Variants in BPTF observed in about 807,000 individuals in gnomAD.
The protein encoded by BPTF is nucleosome-remodeling factor subunit BPTF.
Under a neutral mutation model 292.5 loss-of-function variants are expected in BPTF, and 18 were observed. The observed-to-expected ratio is 0.06, with a 90% CI of 0.04 to 0.09. BPTF has a LOEUF of 0.09. Ranked by LOEUF, BPTF falls within the 10% of genes least tolerant of loss-of-function variation. The pLI is 1.00. For missense variants in BPTF, 2,726 were observed against 3,498.7 expected (o/e 0.78, Z 5.57); for synonymous variants, 1,225 against 1,251.9 (o/e 0.98, Z 0.45).
intron 1 of BPTF, among the ~76,000 whole-genome samples, chr17:67,843,757 T>TTC (rs1857182963): frequency 2.6e-5 from 2 of 75,672 alleles, no homozygotes; most frequent in African/African-American, 1.1e-4. Flanking sequence ...CAGTTGTCTT[T>TTC]TTTTTTTTTT....
chr17:67,888,506 C>G (rs1283856213), intron 4 of BPTF, among the ~76,000 whole-genome samples: 1 of 145,550 alleles, frequency 6.9e-6, no homozygotes, highest in African/African-American at 2.5e-5. Flanking sequence ...AGGAGAATTG[C>G]TTGAACCCAG....
chr17:67,949,452 G>A (rs567462065), intron 23 of BPTF, among the ~76,000 whole-genome samples: 1 of 151,978 alleles, frequency 6.6e-6, no homozygotes, highest in South Asian at 2.1e-4. Context: ...GCAGGCACCT[G>A]TAATCCCAGC....
At chr17:67,840,578 GTT>G (rs1020765398) in intron 1 of BPTF, among the ~76,000 whole-genome samples, 1 of 147,276 alleles carries the variant, frequency 6.8e-6, no homozygotes, top group Admixed American at 6.9e-5. Flanking sequence ...TTTTTAGACA[GTT>G]TCCTTCTTTC....
At chr17:67,858,238 T>C (rs1458449535) in intron 2 of BPTF, among the ~76,000 whole-genome samples, 2 of 152,238 alleles carry the variant, frequency 1.3e-5, no homozygotes, top group Non-Finnish European at 2.9e-5. Flanking sequence ...TTTTAAGAAA[T>C]ATGTGTAAAA....
chr17:67,841,283 C>T (rs933934502), intron 1 of BPTF, among the ~76,000 whole-genome samples: 3 of 152,100 alleles, frequency 2.0e-5, no homozygotes, highest in Admixed American at 2.0e-4. Flanking sequence ...GTGGCACATG[C>T]CTGTAATCCC....
chr17:67,971,023 C>T (rs1301665710), intron 26 of BPTF, among the ~76,000 whole-genome samples: 3 of 151,784 alleles, frequency 2.0e-5, no homozygotes, highest in Non-Finnish European at 2.9e-5. Flanking sequence ...ACTGCATCCT[C>T]GTCCTCCCAG....
chr17:67,873,154 C>G (rs1183388998), intron 3 of BPTF, among the ~76,000 whole-genome samples: 3 of 152,016 alleles, frequency 2.0e-5, no homozygotes, highest in East Asian at 1.9e-4. Context: ...TGTGGATATA[C>G]ATGGTATTAA....
At chr17:67,845,486 C>T (rs553122858) in intron 1 of BPTF, among the ~76,000 whole-genome samples, 108 of 152,230 alleles carry the variant, frequency 7.1e-4, no homozygotes, top group African/African-American at 2.5e-3. Context: ...TTGTGAAAAA[C>T]AAGAGGGCAG....
chr17:67,875,618 A>G (rs200204370), intron 4 of BPTF: 1 of 1,600,192 alleles, frequency 6.2e-7, no homozygotes, highest in African/African-American at 1.3e-5. Context: ...CAACACAACA[A>G]ATGCAACTTC....
intron 17 of BPTF, among the ~76,000 whole-genome samples, chr17:67,930,581 T>C (rs576049286): frequency 6.2e-4 from 94 of 152,284 alleles, no homozygotes; most frequent in African/African-American, 2.2e-3. Context: ...TTTAAAGTTT[T>C]AAATTTTTGA....
Position 67,982,991 on chromosome 17 carries a change from G to T in BPTF, c.*703G>T, listed in dbSNP as rs2070582868. On this transcript the variant is annotated 3_prime_UTR_variant, in exon 28 of 28. Coordinates refer to ENST00000306378, the MANE Select transcript of BPTF (RefSeq NM_182641.4). ...AGACTCTGTTGCCTTGAATATAACA[G>T]TACAATTTGTCAATTACTCTGCACC... is the stretch of plus-strand genomic sequence containing the variant. The T allele has an allele frequency of 6.6e-6, 1 of 152,340 alleles. No individual in the cohort carries two copies. The highest frequency in any genetic ancestry group is 1.5e-5 in the Non-Finnish European group (1 of 68,034). 9.4% of individuals were successfully genotyped at this position (152,340 alleles called of 1,614,324 possible).
intron 13 of BPTF, among the ~76,000 whole-genome samples, chr17:67,921,225 A>G (rs904606375): frequency 1.0e-4 from 15 of 150,474 alleles, no homozygotes; most frequent in South Asian, 2.1e-4. Context: ...AAAAAAAAAA[A>G]AAAAAAAAAA....
In BPTF at chr17:67,945,741, A is replaced by C; in HGVS notation, c.7033A>C (p.Ser2345Arg). The C allele has an allele frequency of 6.2e-7, 1 of 1,614,168 alleles. No individual in the cohort carries two copies. The highest frequency in any genetic ancestry group is 1.3e-5 in the African/African-American group (1 of 75,038). Residue 2345 changes from serine to arginine, a missense_variant, in exon 21 of 28, where the codon AGT (serine) becomes CGT (arginine). By Grantham distance (110) the Ser-to-Arg change is moderately radical. This residue lies in a region of BPTF where 570 missense variants were observed against 633.5 expected (regional missense o/e 0.90). Coordinates refer to ENST00000306378, the MANE Select transcript of BPTF (RefSeq NM_182641.4). ...VQGQSPVRVQ[S>R]PSQTRIRPST... Reference sequence around the variant, plus strand: ...AGGACAGTCTCCTGTTCGTGTCCAAAGTCCATCACAGACTCGAATACGTCC... The same window carrying C: ...AGGACAGTCTCCTGTTCGTGTCCAACGTCCATCACAGACTCGAATACGTCC...
intron 15 of BPTF, among the ~76,000 whole-genome samples, chr17:67,925,643 C>T (rs961995122): frequency 2.0e-5 from 3 of 152,110 alleles, no homozygotes; most frequent in Non-Finnish European, 4.4e-5. Flanking sequence ...AGTATATAAA[C>T]ATTGAGGATA....
chr17:67,947,967 C>A, intron 22 of BPTF, 114 bp from the exon 23 acceptor site: 1 of 1,269,566 alleles, frequency 7.9e-7, no homozygotes, highest in Non-Finnish European at 1.1e-6. Flanking sequence ...CCACTCTTGA[C>A]GTTTTCCAGT....
intron 1 of BPTF, among the ~76,000 whole-genome samples, chr17:67,831,790 C>G (rs1459221047): frequency 6.6e-6 from 1 of 152,158 alleles, no homozygotes; most frequent in Non-Finnish European, 1.5e-5. Context: ...GGGAGATCTT[C>G]CCTGAGTCCT....
chr17:67,835,355 T>G (rs2057041714), intron 1 of BPTF, among the ~76,000 whole-genome samples: 1 of 152,178 alleles, frequency 6.6e-6, no homozygotes. Flanking sequence ...TTGCAGAAAG[T>G]TCTCCTGGAC....
In BPTF at chr17:67,945,420, C is replaced by A. The variant is rs148759485; in HGVS notation, c.6712C>A (p.Gln2238Lys). The change falls in exon 21 of 28, where the codon CAA (glutamine) becomes AAA (lysine). Residue 2238 changes from glutamine to lysine, a missense_variant. Coordinates refer to ENST00000306378, the MANE Select transcript of BPTF (RefSeq NM_182641.4). Reference protein sequence around the residue: ...VSTTAAGTGEQRQSKLSPQMQ... With the variant: ...VSTTAAGTGEKRQSKLSPQMQ... The stretch of plus-strand genomic sequence containing the variant: ...TTTCCTTTTTACAGGTACAGGTGAA[C>A]AAAGGCAGAGTAAACTGTCACCCCA... 4.5e-5 allele frequency: 72 copies of A among 1,612,668 alleles called. No homozygotes were observed. The Admixed American group carries it at 6.2e-4, about 14-fold the overall frequency.
At chr17:67,908,015 A>T (rs1010467929) in intron 9 of BPTF, among the ~76,000 whole-genome samples, 2 of 152,204 alleles carry the variant, frequency 1.3e-5, no homozygotes. Context: ...TTATATACAT[A>T]CTTTTTTCCT....
Sources: allele counts gnomAD v4.1 joint callset (sites outside exome capture counted in the v4.1 genomes callset), GRCh38; gene constraint gnomAD v4.1.1; regional missense constraint gnomAD v4.1.1; transcripts MANE v1.5; gene names NCBI Gene and HGNC (gene_info 2026-07-23, HGNC 2026-07-21).